ARL17A: variants seen among roughly 807,000 people sequenced by gnomAD.
ARL17A encodes the protein ADP-ribosylation factor-like 17-like.
At chr17:46,545,266 T>C (rs2145700480) in intron 3 of ARL17A, among the ~76,000 whole-genome samples, 1 of 138,312 alleles carries the variant, frequency 7.2e-6, no homozygotes, top group African/African-American at 3.0e-5. Flanking sequence ...ACTCTGTCAC[T>C]ACTGAAAATA....
intron 4 of ARL17A, among the ~76,000 whole-genome samples, chr17:46,534,828 G>GC (rs1247977410): frequency 6.8e-6 from 1 of 147,182 alleles, no homozygotes; most frequent in Non-Finnish European, 1.5e-5. Context: ...GCGGGGGCTG[G>GC]CCCCCACCTC....
At chr17:46,534,928 T>C (rs1195942436) in intron 4 of ARL17A, among the ~76,000 whole-genome samples, 2 of 148,236 alleles carry the variant, frequency 1.3e-5, no homozygotes, top group African/African-American at 2.6e-5. Flanking sequence ...ACTTCTCAGA[T>C]GGGGCGGCTG....
chr17:46,543,384 C>T (rs1237954290), intron 3 of ARL17A, among the ~76,000 whole-genome samples: 8 of 150,790 alleles, frequency 5.3e-5, no homozygotes, highest in Admixed American at 5.3e-4. Context: ...GGGAACAGTT[C>T]TAGATTGAAG....
At chr17:46,543,292 T>C (rs2145638341) in intron 3 of ARL17A, among the ~76,000 whole-genome samples, 1 of 150,602 alleles carries the variant, frequency 6.6e-6, no homozygotes, top group African/African-American at 2.5e-5. Flanking sequence ...TGATCTTTCA[T>C]GTGTATTGAA....
At chr17:46,531,961 A>G (rs1435157151) in intron 4 of ARL17A, among the ~76,000 whole-genome samples, 2 of 145,652 alleles carry the variant, frequency 1.4e-5, no homozygotes, top group Non-Finnish European at 1.5e-5. Context: ...GGTATTTGAC[A>G]TATTTTGCAT....
intron 3 of ARL17A, among the ~76,000 whole-genome samples, chr17:46,540,598 T>TAA (rs537940033): frequency 3.1e-4 from 37 of 120,300 alleles, no homozygotes; most frequent in African/African-American, 1.3e-3. Context: ...AAGATAATGG[T>TAA]AAAAAAAAAA....
chr17:46,550,983 C>G (rs559774132), downstream of ARL17A, among the ~76,000 whole-genome samples: 10 of 149,738 alleles, frequency 6.7e-5, 1 homozygote, highest in African/African-American at 2.3e-4. Context: ...GTATCGTCCT[C>G]CAGTGTGTAA....
chr17:46,569,166 T>TC (rs1375918393), intron 3 of ARL17A, among the ~76,000 whole-genome samples: 2 of 151,636 alleles, frequency 1.3e-5, no homozygotes, highest in Non-Finnish European at 2.9e-5. Flanking sequence ...CAGGCTGGTC[T>TC]CCAACTCCTG....
the ARL17A span, among the ~76,000 whole-genome samples, chr17:46,503,250 C>T: frequency 1.4e-5 from 2 of 145,344 alleles, no homozygotes; most frequent in African/African-American, 2.7e-5. Flanking sequence ...TCCTTCCCAA[C>T]AAGCGTTTCT....
Position 46,558,745 on chromosome 17 carries a change from G to A in ARL17A, c.260-1115C>T. On this transcript the variant is annotated intron_variant, in intron 3 of 3. Transcript: ENST00000336125. ...TGGATCTCTAGCCTTGAACACCCTTGGATGCTGCTTTAAATGACTGATCCT... is the reference window on the plus strand; with the variant it reads ...TGGATCTCTAGCCTTGAACACCCTTAGATGCTGCTTTAAATGACTGATCCT... 2 of 136,756 alleles carry A rather than the reference G, an allele frequency of 1.5e-5. 1 individual carries two copies. The highest frequency in any genetic ancestry group is 3.1e-5 in the Non-Finnish European group (2 of 64,060). The allele number at this position is 136,756 out of a possible 1,614,324, so 8.5% of individuals were successfully genotyped here. A position where few individuals can be genotyped will look rare whatever the true frequency, so the allele number is the denominator to read the frequency against.
At chr17:46,550,779 C>T (rs2056707483), downstream of ARL17A, among the ~76,000 whole-genome samples, 2 of 77,464 alleles carry the variant, frequency 2.6e-5, 1 homozygote, top group African/African-American at 7.8e-5. Flanking sequence ...TCGAAAATTT[C>T]TCCCACCCAA....
intron 3 of ARL17A, among the ~76,000 whole-genome samples, chr17:46,558,125 T>C (rs1361199984): frequency 7.0e-5 from 9 of 128,580 alleles, no homozygotes; most frequent in African/African-American, 2.8e-4. Context: ...AATGGCACGA[T>C]CTCAGCTCAC....
chr17:46,554,358 C>T lies in ARL17A; in HGVS notation c.*2998G>A, dbSNP rs1385354646. 2 of 69,546 alleles carry T rather than the reference C, an allele frequency of 2.9e-5. No homozygotes were observed. The highest frequency in any genetic ancestry group is 2.4e-4 in the African/African-American group (2 of 8,472). 4.3% of individuals were successfully genotyped at this position (69,546 alleles called of 1,614,324 possible). On this transcript the variant is annotated 3_prime_UTR_variant, in exon 4 of 4. Transcript: ENST00000336125. ...AGGAGAACTGCTTGAGCCCAGGAGG[C>T]GCAGGTTGCAGGGAGCCAAGATAGC...
At chr17:46,557,989 G>T (rs1425555469) in intron 3 of ARL17A, among the ~76,000 whole-genome samples, 3 of 134,392 alleles carry the variant, frequency 2.2e-5, no homozygotes, top group African/African-American at 5.7e-5. Context: ...TATAGTATTG[G>T]AGAAAACTTA....
chr17:46,543,213 C>T (rs1248695692), intron 3 of ARL17A, among the ~76,000 whole-genome samples: 1 of 150,568 alleles, frequency 6.6e-6, no homozygotes, highest in Admixed American at 6.6e-5. Flanking sequence ...TATTGGAAGT[C>T]TTCAGGAGTT....
chr17:46,543,832 A>C (rs2055870049), intron 3 of ARL17A, among the ~76,000 whole-genome samples: 1 of 150,634 alleles, frequency 6.6e-6, no homozygotes, highest in Non-Finnish European at 1.5e-5. Context: ...GCAGAAAAAG[A>C]ATACCAAAAA....
At chr17:46,548,856 A>G (rs1410310126), downstream of ARL17A, 2 of 1,612,486 alleles carry the variant, frequency 1.2e-6, no homozygotes, top group Non-Finnish European at 1.7e-6. Context: ...CCTTCACCCA[A>G]GAGCATAAGG....
rs904216435 is a variant in ARL17A at position 46,534,742 on chromosome 17, G to T, written c.335+3609C>A. Among the ~76,000 whole-genome samples, 8 of 150,226 alleles carry T rather than the reference G, an allele frequency of 5.3e-5. 1 individual carries two copies. Among genetic ancestry groups the T allele is most frequent in the African/African-American group, 1.8e-4 (7 of 39,852 alleles). On this transcript the variant is annotated intron_variant, in intron 4 of 4. Transcript: ENST00000329240. ...TCCCAGACGGGGTGGCGGCCGGGCA[G>T]AGGGGCTCCTCACTTCCCAGAAGGG... is the stretch of plus-strand genomic sequence containing the variant.
At chr17:46,532,541 G>A (rs1773121353) in intron 4 of ARL17A, among the ~76,000 whole-genome samples, 1 of 145,216 alleles carries the variant, frequency 6.9e-6, no homozygotes, top group Non-Finnish European at 1.5e-5. Context: ...CTGCCTGCTG[G>A]TCTTCAGCTT....
Sources: allele counts gnomAD v4.1 joint callset (sites outside exome capture counted in the v4.1 genomes callset), GRCh38; gene constraint gnomAD v4.1.1; transcripts MANE v1.5; gene names NCBI Gene and HGNC (gene_info 2026-07-23, HGNC 2026-07-21).